DOT1L: variants seen among roughly 807,000 people sequenced by gnomAD.
The protein encoded by DOT1L is histone-lysine N-methyltransferase, H3 lysine-79 specific.
Under a neutral mutation model 153.3 loss-of-function variants are expected in DOT1L, and 33 were observed. That is an observed-to-expected ratio of 0.22 (90% CI 0.16 to 0.29). The LOEUF is 0.29. Ranked by LOEUF, DOT1L falls within the 10% of genes least tolerant of loss-of-function variation. The pLI is 1.00. For missense variants in DOT1L, 1,847 were observed against 2,119.9 expected (o/e 0.87, Z 2.53); for synonymous variants, 1,135 against 965.1 (o/e 1.18, Z -3.26).
At chr19:2,173,550 G>A (rs780366186) in intron 1 of DOT1L, among the ~76,000 whole-genome samples, 35 of 152,114 alleles carry the variant, frequency 2.3e-4, no homozygotes, top group Non-Finnish European at 4.9e-4. Context: ...TGTGAGAAAC[G>A]GCCAGGGTTG....
intron 27 of DOT1L, 43 bp downstream of exon 27, chr19:2,227,170 GCCGGAGGCCCCTT>G: frequency 6.3e-7 from 1 of 1,575,020 alleles, no homozygotes; most frequent in Non-Finnish European, 8.6e-7. Context: ...CCCGGCCCCC[GCCGGAGGCCCCTT>G]CCTTTGCAGG....
In DOT1L at chr19:2,230,225, G is replaced by A; in HGVS notation, c.*433G>A. 1 of 414,254 alleles carries A rather than the reference G, an allele frequency of 2.4e-6. No individual in the cohort carries two copies. Among genetic ancestry groups the A allele is most frequent in the Non-Finnish European group, 4.2e-6 (1 of 235,862 alleles). 25.7% of individuals were successfully genotyped at this position (414,254 alleles called of 1,614,324 possible). A position where few individuals can be genotyped will look rare whatever the true frequency, so the allele number is the denominator to read the frequency against. On this transcript the variant is annotated 3_prime_UTR_variant, in exon 28 of 28. Transcript: ENST00000398665. ...TTGGTGCTGACTAGACGCTGACAAC[G>A]CCGAACCCCGTTCTCGGAAACGCCG...
At chr19:2,168,215 C>A (rs2020000826) in intron 1 of DOT1L, among the ~76,000 whole-genome samples, 1 of 152,200 alleles carries the variant, frequency 6.6e-6, no homozygotes, top group African/African-American at 2.4e-5. Context: ...TGCCTGTAGT[C>A]CCTGCACTTT....
chr19:2,191,214 A>G lies in DOT1L; in HGVS notation c.467A>G (p.Asp156Gly), dbSNP rs1345409592. 7.4e-6 allele frequency: 12 copies of G among 1,613,796 alleles called. No homozygotes were observed. Among genetic ancestry groups the G allele is most frequent in the Non-Finnish European group, 9.3e-6 (11 of 1,179,986 alleles). Residue 156 changes from aspartate to glycine, a missense_variant, in exon 5 of 28, where the codon GAC (aspartate) becomes GGC (glycine). Coordinates refer to ENST00000398665, the MANE Select transcript of DOT1L (RefSeq NM_032482.3). This position sits in a 1 kb window ranked among gnomAD's most constrained non-coding sequence, Gnocchi z 6.8. The stretch of plus-strand genomic sequence containing the variant: ...ATTGATGAGATCAAGATGACCGACG[A>G]CGACCTGTTTGTGGACTTGGGGAGC... The part of the protein sequence containing the change: ...QMIDEIKMTD[D>G]DLFVDLGSGV...
chr19:2,230,466 G>A lies in DOT1L; in HGVS notation c.*674G>A. 2 of 399,156 alleles carry A rather than the reference G, an allele frequency of 5.0e-6. No individual in the cohort carries two copies. The highest frequency in any genetic ancestry group is 3.6e-5 in the East Asian group (1 of 28,078). The allele number at this position is 399,156 out of a possible 1,614,324, so 24.7% of individuals were successfully genotyped here. A position where few individuals can be genotyped will look rare whatever the true frequency, so the allele number is the denominator to read the frequency against. ...CATGTGAAGGGGCCTGCGCGGTGAC[G>A]CAGCTGGCCATGTGCTGCGCGATGG... is the stretch of plus-strand genomic sequence containing the variant. On this transcript the variant is annotated 3_prime_UTR_variant, in exon 28 of 28. Coordinates refer to ENST00000398665, the MANE Select transcript of DOT1L (RefSeq NM_032482.3).
At chr19:2,205,732 G>A (rs957844501) in intron 9 of DOT1L, among the ~76,000 whole-genome samples, 1 of 151,368 alleles carries the variant, frequency 6.6e-6, no homozygotes, top group East Asian at 1.9e-4. Flanking sequence ...CTTCATCCTT[G>A]GCCCAGGCTG....
chr19:2,231,009 C>A lies in DOT1L; in HGVS notation c.*1217C>A, dbSNP rs1431431110. The A allele has an allele frequency of 2.5e-5, 6 of 239,254 alleles. No individual in the cohort carries two copies. The highest frequency in any genetic ancestry group is 4.1e-5 in the Non-Finnish European group (5 of 122,686). 14.8% of individuals were successfully genotyped at this position (239,254 alleles called of 1,614,324 possible). A position where few individuals can be genotyped will look rare whatever the true frequency, so the allele number is the denominator to read the frequency against. On this transcript the variant is annotated 3_prime_UTR_variant, in exon 28 of 28. Coordinates refer to ENST00000398665, the MANE Select transcript of DOT1L (RefSeq NM_032482.3). The stretch of plus-strand genomic sequence containing the variant: ...GCCCTAGGCCCCAGGGTGACGTCGG[C>A]CCCCCACTCTGCAGCCTTGGCGGGT...
rs1485125211 is a variant in DOT1L, at chr19:2,185,953, C to T, written c.200+24C>T. ...AGGTAAGCAGAGTCCTGTCCAGCCG[C>T]TCCGCTCCGAGGACAGACTCGGCTC... On this transcript the variant is annotated intron_variant, in intron 3 of 27. Transcript: ENST00000398665. The T allele has an allele frequency of 1.9e-6, 3 of 1,611,216 alleles. No homozygotes were observed. In the African/African-American group the frequency reaches 4.0e-5, roughly 22 times the overall value.
chr19:2,165,696 T>A (rs1387444292), intron 1 of DOT1L, among the ~76,000 whole-genome samples: 35 of 152,210 alleles, frequency 2.3e-4, no homozygotes, highest in Admixed American at 2.3e-3. Flanking sequence ...CCATAAGAGT[T>A]CTAACTGTAA....
rs535745065 is a variant in DOT1L at position 2,193,599 on chromosome 19, A to C, written c.494-90A>C. On this transcript the variant is annotated intron_variant, in intron 5 of 27. Transcript: ENST00000398665. This position sits in a 1 kb window ranked among gnomAD's most constrained non-coding sequence, Gnocchi z 5.9. ...CTCCCCTGTGGGTCTTCATGGCCGCATTCTTGTGGCCTCTGTCTCCGAGCC... is the reference window on the plus strand; with the variant it reads ...CTCCCCTGTGGGTCTTCATGGCCGCCTTCTTGTGGCCTCTGTCTCCGAGCC... 1.4e-5 allele frequency: 18 copies of C among 1,296,212 alleles called. No homozygotes were observed. Among genetic ancestry groups the C allele is most frequent in the African/African-American group, 1.3e-4 (9 of 68,790 alleles). The allele number at this position is 1,296,212 out of a possible 1,614,324, so 80.3% of individuals were successfully genotyped here.
At chr19:2,169,702 G>GCA (rs746173282) in intron 1 of DOT1L, among the ~76,000 whole-genome samples, 29 of 152,184 alleles carry the variant, frequency 1.9e-4, no homozygotes, top group Admixed American at 1.8e-3. Flanking sequence ...CTGCTCATCA[G>GCA]AGTGTATATT....
chr19:2,174,958 ATGTGTGTGTGTGTG>A (rs71337121), intron 1 of DOT1L, among the ~76,000 whole-genome samples: 3,290 of 130,022 alleles, frequency 0.025, 140 homozygotes, highest in African/African-American at 0.09. Context: ...TTTTAAATAT[ATGTGTGTGTGTGTG>A]TGTGTGTGTG....
In DOT1L at chr19:2,230,913, C is replaced by T; in HGVS notation, c.*1121C>T. 1 of 289,974 alleles carries T rather than the reference C, an allele frequency of 3.4e-6. No individual in the cohort carries two copies. Among genetic ancestry groups the T allele is most frequent in the African/African-American group, 2.1e-5 (1 of 47,056 alleles). The allele number at this position is 289,974 out of a possible 1,614,324, so 18.0% of individuals were successfully genotyped here. A position where few individuals can be genotyped will look rare whatever the true frequency, so the allele number is the denominator to read the frequency against. ...CACGCCTGGCACCCATCCCTTGGAG[C>T]CTGTGCTGGTTCTCCCAGCTGCTGT... is the stretch of plus-strand genomic sequence containing the variant. On this transcript the variant is annotated 3_prime_UTR_variant, in exon 28 of 28. Transcript: ENST00000398665.
At chr19:2,185,011 G>T (rs2022425936) in intron 2 of DOT1L, among the ~76,000 whole-genome samples, 1 of 152,184 alleles carries the variant, frequency 6.6e-6, no homozygotes, top group Non-Finnish European at 1.5e-5. Context: ...CTCTGAGAAA[G>T]TTTCTGTAGG....
chr19:2,174,669 G>T (rs1367100131), intron 1 of DOT1L, among the ~76,000 whole-genome samples: 1 of 151,954 alleles, frequency 6.6e-6, no homozygotes, highest in African/African-American at 2.4e-5. Context: ...ACCCAGGCTG[G>T]AGTGCAGTGG....
chr19:2,220,531 G>A lies in DOT1L; in HGVS notation c.2806+309G>A. On this transcript the variant is annotated intron_variant, in intron 23 of 27. Coordinates refer to ENST00000398665, the MANE Select transcript of DOT1L (RefSeq NM_032482.3). This position sits in a 1 kb window ranked among gnomAD's most constrained non-coding sequence, Gnocchi z 4.5. Reference sequence around the variant, plus strand: ...CTCGGGGGCTCCTGTACTCACAGCTGGGAGGCCCCTGACTCAGGATCGGCT... The same window carrying A: ...CTCGGGGGCTCCTGTACTCACAGCTAGGAGGCCCCTGACTCAGGATCGGCT... The A allele has an allele frequency of 2.0e-6, 1 of 512,814 alleles. No individual in the cohort carries two copies. Among genetic ancestry groups the A allele is most frequent in the South Asian group, 1.5e-5 (1 of 65,080 alleles). The allele number at this position is 512,814 out of a possible 1,614,324, so 31.8% of individuals were successfully genotyped here. A position where few individuals can be genotyped will look rare whatever the true frequency, so the allele number is the denominator to read the frequency against.
At chr19:2,189,895 A>G in intron 4 of DOT1L, 100 bp downstream of exon 4, 2 of 1,329,272 alleles carry the variant, frequency 1.5e-6, no homozygotes, top group South Asian at 1.2e-5. Context: ...AGCTCCCCTT[A>G]GAGCCCCTGG....
chr19:2,230,015 T>A lies in DOT1L; in HGVS notation c.*223T>A. The A allele has an allele frequency of 1.4e-6, 1 of 707,492 alleles. No homozygotes were observed. Among genetic ancestry groups the A allele is most frequent in the Non-Finnish European group, 2.3e-6 (1 of 438,130 alleles). 43.8% of individuals were successfully genotyped at this position (707,492 alleles called of 1,614,324 possible). On this transcript the variant is annotated 3_prime_UTR_variant, in exon 28 of 28. Coordinates refer to ENST00000398665, the MANE Select transcript of DOT1L (RefSeq NM_032482.3). ...AAAGTATTTATCATTTTTTAAAAAG[T>A]ATAAACAATTCTGACTTATTTTATT... is the stretch of plus-strand genomic sequence containing the variant.
chr19:2,179,052 C>T (rs2022099987), intron 1 of DOT1L, among the ~76,000 whole-genome samples: 1 of 152,112 alleles, frequency 6.6e-6, no homozygotes, highest in Admixed American at 6.6e-5. Context: ...CTAGGCTGAT[C>T]CCTCAGTGCA....
Sources: gnomAD v4.1 joint callset for allele counts (sites outside exome capture counted in the v4.1 genomes callset) on GRCh38, gnomAD v4.1.1 for gene constraint, Gnocchi (gnomAD v3.1) non-coding constraint, MANE v1.5 for transcripts, NCBI Gene and HGNC (gene_info 2026-07-23, HGNC 2026-07-21) for gene names.